The following CAMTA1 variants were observed in gnomAD, a reference collection of about 807,000 sequenced individuals.
CAMTA1 encodes calmodulin-binding transcription activator 1.
Under a neutral mutation model 170.9 loss-of-function variants are expected in CAMTA1, and 27 were observed. That is an observed-to-expected ratio of 0.16 (90% CI 0.12 to 0.22). The LOEUF (loss-of-function observed/expected upper bound fraction) is 0.22. Among genes scored for constraint, CAMTA1 ranks in the 10% least tolerant of loss-of-function variants. The pLI, the probability that CAMTA1 is intolerant of heterozygous loss-of-function variation, is 1.00. For synonymous variants in CAMTA1, 833 were observed against 891.5 expected, an observed-to-expected ratio of 0.93 and a Z score of 1.17; for missense variants, 1,619 against 2,217.2, an observed-to-expected ratio of 0.73 and a Z score of 5.42.
At chr1:7,417,268 C>T (rs2091248579) in intron 5 of CAMTA1, among the ~76,000 whole-genome samples, 1 of 152,270 alleles carries the variant, frequency 6.6e-6, no homozygotes, top group Admixed American at 6.5e-5. Context: ...AGATCTCCAG[C>T]TGCGTGCTGG....
chr1:6,785,545 G>A lies in CAMTA1; in HGVS notation c.15G>A (p.Glu5=), dbSNP rs1181493958. ...GGAGGAGGAGGATGTGGCGCGCGGA[G>A]GGGAAATGGCTGCCGAAAACAAGCC... is the stretch of plus-strand genomic sequence containing the variant. MWRA[E]GKWLPKTSRK... is the part of the protein sequence containing the mutation. The change falls in exon 1 of 23, where the codon GAG becomes GAA. Residue 5 remains glutamate (E), a synonymous_variant. Transcript: ENST00000303635. 1.8e-6 allele frequency: 2 copies of A among 1,081,560 alleles called. No individual in the cohort carries two copies. The highest frequency in any genetic ancestry group is 1.9e-4 in the East Asian group (2 of 10,454). 67.0% of individuals were successfully genotyped at this position (1,081,560 alleles called of 1,614,324 possible).
intron 3 of CAMTA1, among the ~76,000 whole-genome samples, chr1:6,986,976 C>T (rs1412394329): frequency 2.0e-5 from 3 of 152,046 alleles, no homozygotes; most frequent in African/African-American, 7.2e-5. Context: ...ATGAGACCCC[C>T]TAGGGCCAGG....
intron 6 of CAMTA1, among the ~76,000 whole-genome samples, chr1:7,489,084 G>A (rs1237362345): frequency 1.3e-5 from 2 of 152,146 alleles, no homozygotes. Flanking sequence ...AGTCACCTTC[G>A]GCAACAGCTA....
chr1:7,084,101 T>A (rs1640395132), intron 3 of CAMTA1, among the ~76,000 whole-genome samples: 3 of 152,080 alleles, frequency 2.0e-5, no homozygotes, highest in Admixed American at 2.0e-4. Context: ...AAAATATATC[T>A]GAGACTGTAT....
chr1:7,716,182 G>T (rs1351314546), intron 11 of CAMTA1, among the ~76,000 whole-genome samples: 1 of 152,094 alleles, frequency 6.6e-6, no homozygotes, highest in Non-Finnish European at 1.5e-5. Flanking sequence ...ACAGGCTCAT[G>T]CCACCGTGCC....
At chr1:7,747,860 A>G in intron 19 of CAMTA1, 79 bp downstream of exon 19, 2 of 860,666 alleles carry the variant, frequency 2.3e-6, no homozygotes, top group Non-Finnish European at 3.8e-6. Flanking sequence ...GCTAAAGAGC[A>G]CTACATCTAG....
At chr1:6,994,008 A>T (rs1696795672) in intron 3 of CAMTA1, among the ~76,000 whole-genome samples, 1 of 152,144 alleles carries the variant, frequency 6.6e-6, no homozygotes, top group Admixed American at 6.5e-5. Flanking sequence ...TGGTTGCACT[A>T]GGGAATGTAA....
At chr1:7,303,576 A>G (rs1159158594) in intron 5 of CAMTA1, among the ~76,000 whole-genome samples, 4 of 152,110 alleles carry the variant, frequency 2.6e-5, no homozygotes, top group Admixed American at 2.6e-4. Context: ...CCATTGTTTC[A>G]TTGATCCCAC....
chr1:7,036,970 A>G (rs979138577), intron 3 of CAMTA1, among the ~76,000 whole-genome samples: 2 of 152,236 alleles, frequency 1.3e-5, no homozygotes, highest in African/African-American at 4.8e-5. Context: ...CGGGGCTGGT[A>G]CTACAGCCTG....
rs1010159593 is a variant in CAMTA1 at position 7,144,144 on chromosome 1, C to G, written c.302+52773C>G. On this transcript the variant is annotated intron_variant, in intron 4 of 22. Coordinates refer to ENST00000303635, the MANE Select transcript of CAMTA1 (RefSeq NM_015215.4). This position sits in a 1 kb window ranked among gnomAD's most constrained non-coding sequence, Gnocchi z 4.0. ...GTTCTGGAGGCTGGAAGTCTGAGAT[C>G]AGGGTGCCAGCATGGCCAGGTTCTG... is the stretch of plus-strand genomic sequence containing the variant. Among the ~76,000 whole-genome samples the G allele has an allele frequency of 6.6e-6, 1 of 152,184 alleles. No individual in the cohort carries two copies. Among genetic ancestry groups the G allele is most frequent in the Non-Finnish European group, 1.5e-5 (1 of 68,038 alleles).
intron 5 of CAMTA1, among the ~76,000 whole-genome samples, chr1:7,438,424 T>G (rs943435701): frequency 2.6e-5 from 4 of 152,186 alleles, no homozygotes; most frequent in Non-Finnish European, 4.4e-5. Context: ...GTTGTGACTT[T>G]GAGCTGGTCT....
At chr1:6,944,149 T>G (rs1467765456) in intron 3 of CAMTA1, among the ~76,000 whole-genome samples, 71 of 152,188 alleles carry the variant, frequency 4.7e-4, no homozygotes. Flanking sequence ...CTGGCCTATT[T>G]CACTTAGCAC....
At chr1:7,396,728 C>T (rs71637380) in intron 5 of CAMTA1, among the ~76,000 whole-genome samples, 2,990 of 152,166 alleles carry the variant, frequency 0.02, 48 homozygotes, top group Admixed American at 0.03. Context: ...TTATCAAATG[C>T]TTTTTCTGTG....
chr1:7,696,251 C>T (rs1399264292), intron 11 of CAMTA1, among the ~76,000 whole-genome samples: 1 of 152,182 alleles, frequency 6.6e-6, no homozygotes, highest in East Asian at 1.9e-4. Flanking sequence ...GGCCAGAGTA[C>T]AGTGGCGCAA....
At chr1:7,004,597 G>A (rs576928251) in intron 3 of CAMTA1, among the ~76,000 whole-genome samples, 3 of 152,190 alleles carry the variant, frequency 2.0e-5, no homozygotes, top group African/African-American at 4.8e-5. Context: ...GAAATATGCC[G>A]ATCCATGAAT....
At position 6,911,992 on chromosome 1, in the gene CAMTA1, T is replaced by C. The variant is rs112450558; in HGVS notation, c.234+86782T>C. On this transcript the variant is annotated intron_variant, in intron 3 of 22. Transcript: ENST00000303635. ...TGCTCTCTTTCCCTTCTTTCTCTTA[T>C]CTTTCCCTCCCCTTCCCTCTCCCTT... is the stretch of plus-strand genomic sequence containing the variant. 1.1e-4 allele frequency among the ~76,000 whole-genome samples: 16 copies of C among 152,350 alleles called. 1 individual carries two copies. Among genetic ancestry groups the C allele is most frequent in the African/African-American group, 3.4e-4 (14 of 41,586 alleles).
intron 3 of CAMTA1, among the ~76,000 whole-genome samples, chr1:6,877,490 G>A (rs1039535216): frequency 6.6e-6 from 1 of 152,132 alleles, no homozygotes; most frequent in African/African-American, 2.4e-5. Flanking sequence ...AGTCGGCAAC[G>A]CTATTGCTGC....
At chr1:6,964,675 G>A (rs1461640175) in intron 3 of CAMTA1, among the ~76,000 whole-genome samples, 9 of 152,198 alleles carry the variant, frequency 5.9e-5, no homozygotes, top group African/African-American at 1.9e-4. Flanking sequence ...TCATTCCTTT[G>A]TACACTTTTA....
At chr1:6,798,103 T>G (rs1260970872) in intron 1 of CAMTA1, among the ~76,000 whole-genome samples, 1 of 151,846 alleles carries the variant, frequency 6.6e-6, no homozygotes, top group Non-Finnish European at 1.5e-5. Context: ...TTCAAGCGAT[T>G]CTCCTGCCTC....
Sources: allele counts gnomAD v4.1 joint callset (sites outside exome capture counted in the v4.1 genomes callset), GRCh38; gene constraint gnomAD v4.1.1; non-coding constraint Gnocchi (gnomAD v3.1); transcripts MANE v1.5; gene names NCBI Gene and HGNC (gene_info 2026-07-23, HGNC 2026-07-21).